The following PKHD1 variants were observed in gnomAD, a reference collection of about 807,000 sequenced individuals.
The protein encoded by PKHD1 is PKHD1 ciliary IPT domain containing fibrocystin/polyductin, also known as fibrocystin.
PKHD1 carries 291 observed loss-of-function variants against 412.0 expected under a neutral mutation model. The observed-to-expected ratio is 0.71, with a 90% CI of 0.64 to 0.78. The LOEUF is 0.78. Among genes scored for constraint, PKHD1 ranks in the 30% least tolerant of loss-of-function variants. PKHD1 has a pLI of 0.00. For missense variants in PKHD1, 4,825 were observed against 4,950.7 expected (o/e 0.97, Z 0.76); for synonymous variants, 1,777 against 1,821.5 (o/e 0.98, Z 0.62).
intron 35 of PKHD1, among the ~76,000 whole-genome samples, chr6:51,980,448 A>C (rs1248853113): frequency 6.6e-6 from 1 of 152,218 alleles, no homozygotes; most frequent in African/African-American, 2.4e-5. Flanking sequence ...TTCTACCTAC[A>C]ATGTTGTTCA....
chr6:51,774,681 T>C (rs1174521432), intron 54 of PKHD1, among the ~76,000 whole-genome samples: 3 of 152,076 alleles, frequency 2.0e-5, no homozygotes, highest in African/African-American at 7.2e-5. Context: ...TTAACATTAT[T>C]GCCTCCACTC....
chr6:51,707,866 C>T (rs1039861224), intron 60 of PKHD1, among the ~76,000 whole-genome samples: 6 of 152,026 alleles, frequency 3.9e-5, no homozygotes, highest in Non-Finnish European at 7.4e-5. Flanking sequence ...CTAAAATTAC[C>T]CTGTATTCCT....
In PKHD1 at chr6:51,632,659, C is replaced by T. The variant is rs749306806; in HGVS notation, c.11571G>A (p.Ser3857=). 7 of 1,613,210 alleles carry T rather than the reference C, an allele frequency of 4.3e-6. No individual in the cohort carries two copies. The highest frequency in any genetic ancestry group is 4.5e-5 in the East Asian group (2 of 44,852). ...AVLPVTRKEK[S]TIILAASLSS... is the part of the protein sequence containing the mutation. ...ACAGGGAAGCAGCCAGGATGATGGT[C>T]GACTTCTCCTTCCTAGTCACAGGCA... Residue 3857 remains serine (S), a synonymous_variant, in exon 65 of 67, where the codon TCG becomes TCA. Transcript: ENST00000371117.
chr6:51,753,401 C>G, intron 56 of PKHD1, 48 bp from the exon 57 acceptor site: 1 of 1,509,952 alleles, frequency 6.6e-7, no homozygotes. Flanking sequence ...AAACCTGTTT[C>G]AAAAATCACT....
chr6:51,846,047 C>T (rs907353634), intron 50 of PKHD1, among the ~76,000 whole-genome samples: 4 of 152,144 alleles, frequency 2.6e-5, no homozygotes, highest in South Asian at 2.1e-4. Context: ...TGGCTGTATT[C>T]GGCTGAAGTG....
At chr6:51,786,040 CT>C (rs1242823852) in intron 53 of PKHD1, among the ~76,000 whole-genome samples, 1 of 152,116 alleles carries the variant, frequency 6.6e-6, no homozygotes, top group African/African-American at 2.4e-5. Flanking sequence ...AACTAATTTA[CT>C]TTTTTAAAAA....
intron 52 of PKHD1, among the ~76,000 whole-genome samples, chr6:51,813,951 G>T (rs1008052636): frequency 5.9e-5 from 9 of 151,604 alleles, no homozygotes; most frequent in Non-Finnish European, 1.3e-4. Context: ...TCCTTTGGAG[G>T]GAAAAAAAAA....
chr6:51,864,605 A>G lies in PKHD1; in HGVS notation c.7733+3258T>C, dbSNP rs1024151810. On this transcript the variant is annotated intron_variant, in intron 48 of 66. Transcript: ENST00000371117. ...TGCCTCAGTGGGATTCTGAGCACCC[A>G]GAGAGAAACAGGTCTACAGAAAAAA... Among the ~76,000 whole-genome samples the G allele has an allele frequency of 1.3e-5, 2 of 152,164 alleles. 1 individual carries two copies. The highest frequency in any genetic ancestry group is 4.1e-4 in the South Asian group (2 of 4,820).
chr6:51,902,126 G>T (rs1011536563), intron 43 of PKHD1, among the ~76,000 whole-genome samples: 2 of 152,100 alleles, frequency 1.3e-5, no homozygotes, highest in African/African-American at 4.8e-5. Flanking sequence ...GCAACCCTGA[G>T]GGTTTACTTT....
chr6:51,781,476 T>C (rs1791999172), intron 53 of PKHD1, among the ~76,000 whole-genome samples: 1 of 152,170 alleles, frequency 6.6e-6, no homozygotes, highest in South Asian at 2.1e-4. Context: ...TGAAAATATG[T>C]TATTCATTCA....
intron 34 of PKHD1, among the ~76,000 whole-genome samples, chr6:52,015,993 C>T (rs1896970): frequency 0.56 from 85,060 of 151,818 alleles, 24,453 homozygotes; most frequent in Admixed American, 0.64. Flanking sequence ...ATGGAAGAAC[C>T]CCAAAGAAGA....
In PKHD1 at chr6:51,941,393, C is replaced by T. The variant is rs890568008; in HGVS notation, c.5909-7071G>A. On this transcript the variant is annotated intron_variant, in intron 36 of 66. Transcript: ENST00000371117. ...GCCTCAGCCTCCCGAGTAGCTGGGA[C>T]TACAGGCGCCCGCCACCGCGCCCGG... 1.7e-4 allele frequency among the ~76,000 whole-genome samples: 25 copies of T among 149,396 alleles called. 1 individual carries two copies. The highest frequency in any genetic ancestry group is 3.1e-4 in the Non-Finnish European group (21 of 66,796).
At chr6:52,045,898 A>G in intron 24 of PKHD1, 106 bp downstream of exon 24, 1 of 815,888 alleles carries the variant, frequency 1.2e-6, no homozygotes, top group Non-Finnish European at 2.1e-6. Context: ...ATTCCAACAA[A>G]ATTAATAATT....
intron 21 of PKHD1, among the ~76,000 whole-genome samples, chr6:52,050,651 G>A (rs1581959474): frequency 6.6e-6 from 1 of 152,194 alleles, no homozygotes; most frequent in East Asian, 1.9e-4. Context: ...CCTTCCCACA[G>A]CCCCTGGCAA....
rs142737896 is a variant in PKHD1 at position 51,722,381 on chromosome 6, C to A, written c.10156+22004G>T. ...AAACTCCCCAGAAAGCTTATATAAA[C>A]GAAAGTTTGCACATTAAGAAAAAGC... is the stretch of plus-strand genomic sequence containing the variant. On this transcript the variant is annotated intron_variant, in intron 60 of 66. Transcript: ENST00000371117. Among the ~76,000 whole-genome samples, 4 of 152,098 alleles carry A rather than the reference C, an allele frequency of 2.6e-5. No homozygotes were observed. In the East Asian group the frequency reaches 5.8e-4, roughly 22 times the overall value.
chr6:51,849,987 G>T (rs1288087408), intron 49 of PKHD1, among the ~76,000 whole-genome samples: 1 of 152,156 alleles, frequency 6.6e-6, no homozygotes, highest in East Asian at 1.9e-4. Flanking sequence ...GTCCTGGATG[G>T]TATTGCCTAG....
At chr6:51,984,773 A>C (rs1006042082) in intron 35 of PKHD1, among the ~76,000 whole-genome samples, 1 of 152,248 alleles carries the variant, frequency 6.6e-6, no homozygotes, top group African/African-American at 2.4e-5. Flanking sequence ...AATGGAGAGG[A>C]AATCTCAGTT....
chr6:52,072,219 A>G (rs766802579), intron 7 of PKHD1, 30 bp from the exon 8 acceptor site: 1 of 1,400,352 alleles, frequency 7.1e-7, no homozygotes, highest in Middle Eastern at 1.8e-4. Context: ...AAAACAAAAG[A>G]CAAGAGATAA....
At chr6:51,942,994 A>G (rs1425295286) in intron 36 of PKHD1, among the ~76,000 whole-genome samples, 1 of 151,558 alleles carries the variant, frequency 6.6e-6, no homozygotes, top group East Asian at 1.9e-4. Flanking sequence ...GTCTAGGTAG[A>G]CACTTTCACT....
Sources: gnomAD v4.1 joint callset for allele counts (sites outside exome capture counted in the v4.1 genomes callset) on GRCh38, gnomAD v4.1.1 for gene constraint, MANE v1.5 for transcripts, NCBI Gene and HGNC (gene_info 2026-07-23, HGNC 2026-07-21) for gene names.